PPARGC1A: variants seen among roughly 807,000 people sequenced by gnomAD.
PPARGC1A encodes the protein PPARG coactivator 1 alpha, also known as peroxisome proliferator-activated receptor gamma coactivator 1-alpha.
Under a neutral mutation model 88.7 loss-of-function variants are expected in PPARGC1A, and 25 were observed. The ratio of observed to expected loss-of-function variants is 0.28; its 90% CI spans 0.21 to 0.39. PPARGC1A has a LOEUF of 0.39. PPARGC1A is among the 10% of genes least tolerant of loss of function. The pLI is 1.00. For missense variants in PPARGC1A, 880 were observed against 968.7 expected, an observed-to-expected ratio of 0.91 and a Z score of 1.22; for synonymous variants, 363 against 355.6, an observed-to-expected ratio of 1.02 and a Z score of -0.24.
the PPARGC1A span, among the ~76,000 whole-genome samples, chr4:24,448,766 A>G: frequency 2.0e-5 from 3 of 152,138 alleles, no homozygotes; most frequent in African/African-American, 7.2e-5. Flanking sequence ...CCCTCCCTGC[A>G]TGTCTCACAC....
At chr4:23,927,895 G>A in the PPARGC1A span, among the ~76,000 whole-genome samples, 27 of 152,128 alleles carry the variant, frequency 1.8e-4, no homozygotes, top group African/African-American at 4.8e-5. Context: ...GTATGGAAAT[G>A]GACTTTAACC....
chr4:24,154,835 T>C, the PPARGC1A span, among the ~76,000 whole-genome samples: 1 of 152,076 alleles, frequency 6.6e-6, no homozygotes, highest in Non-Finnish European at 1.5e-5. Context: ...GAAAAATTAA[T>C]TGTCTAAAAA....
chr4:24,262,875 C>T, the PPARGC1A span, among the ~76,000 whole-genome samples: 1 of 152,114 alleles, frequency 6.6e-6, no homozygotes, highest in African/African-American at 2.4e-5. Flanking sequence ...GTCCTCAGGG[C>T]TGTACAACTT....
chr4:24,214,283 C>G, the PPARGC1A span, among the ~76,000 whole-genome samples: 2 of 152,162 alleles, frequency 1.3e-5, no homozygotes, highest in East Asian at 1.9e-4. Flanking sequence ...GCAAATTAAT[C>G]AACTACAGAC....
chr4:24,291,881 G>A, the PPARGC1A span, among the ~76,000 whole-genome samples: 3 of 152,224 alleles, frequency 2.0e-5, no homozygotes, highest in Non-Finnish European at 4.4e-5. Flanking sequence ...TGTGAGAAAT[G>A]AATACATAAG....
the PPARGC1A span, among the ~76,000 whole-genome samples, chr4:24,347,269 T>C: frequency 4.0e-5 from 6 of 151,506 alleles, no homozygotes; most frequent in East Asian, 1.2e-3. Context: ...TCTGTATATA[T>C]CTGTGAAGGC....
At chr4:24,358,578 A>G in the PPARGC1A span, among the ~76,000 whole-genome samples, 1 of 152,248 alleles carries the variant, frequency 6.6e-6, no homozygotes, top group African/African-American at 2.4e-5. Flanking sequence ...TTGCCTTCCA[A>G]AATCCAAAAC....
At chr4:23,978,125 A>C in the PPARGC1A span, among the ~76,000 whole-genome samples, 27 of 152,284 alleles carry the variant, frequency 1.8e-4, no homozygotes, top group East Asian at 5.0e-3. Flanking sequence ...GCTAAAGAAA[A>C]AGCTCTAGCA....
chr4:23,888,580 T>C (rs1258916954), intron 1 of PPARGC1A, among the ~76,000 whole-genome samples: 1 of 152,184 alleles, frequency 6.6e-6, no homozygotes, highest in Non-Finnish European at 1.5e-5. Flanking sequence ...TCCATATCTA[T>C]TCCGCCTTAC....
chr4:23,822,920 A>C (rs1723254322), intron 7 of PPARGC1A, among the ~76,000 whole-genome samples: 1 of 152,036 alleles, frequency 6.6e-6, no homozygotes, highest in African/African-American at 2.4e-5. Flanking sequence ...AACAAACTAA[A>C]AACTGCTTTC....
At chr4:23,906,238 A>G (rs1400190829), upstream of PPARGC1A, among the ~76,000 whole-genome samples, 1 of 152,210 alleles carries the variant, frequency 6.6e-6, no homozygotes, top group Non-Finnish European at 1.5e-5. Context: ...AAATGAAATG[A>G]AGGCTCCTTT....
chr4:23,857,391 C>CTGT (rs1730390201), intron 2 of PPARGC1A, among the ~76,000 whole-genome samples: 3 of 143,954 alleles, frequency 2.1e-5, no homozygotes, highest in East Asian at 2.1e-4. Flanking sequence ...CACACACGCA[C>CTGT]GTACTAAATA....
the PPARGC1A span, among the ~76,000 whole-genome samples, chr4:23,923,116 G>GTTTT: frequency 3.8e-5 from 5 of 131,690 alleles, no homozygotes; most frequent in East Asian, 4.3e-4. Flanking sequence ...TTTGTTGCTT[G>GTTTT]TTTTTTTTTT....
the PPARGC1A span, among the ~76,000 whole-genome samples, chr4:24,266,105 C>T: frequency 3.9e-5 from 6 of 152,102 alleles, no homozygotes; most frequent in Admixed American, 1.3e-4. Flanking sequence ...CAGAACGTAA[C>T]GAGAGATGCC....
the PPARGC1A span, among the ~76,000 whole-genome samples, chr4:23,949,120 G>A: frequency 6.6e-6 from 1 of 152,090 alleles, no homozygotes; most frequent in Non-Finnish European, 1.5e-5. Flanking sequence ...TGAGTTAGCT[G>A]CCCATTATTA....
the PPARGC1A span, among the ~76,000 whole-genome samples, chr4:24,358,195 A>G: frequency 6.6e-6 from 1 of 152,346 alleles, no homozygotes; most frequent in East Asian, 1.9e-4. Flanking sequence ...TGGCAGATTC[A>G]GAATTGAAAG....
At chr4:24,162,033 AT>A in the PPARGC1A span, among the ~76,000 whole-genome samples, 1 of 151,914 alleles carries the variant, frequency 6.6e-6, no homozygotes, top group Non-Finnish European at 1.5e-5. Context: ...CTATTCAGCC[AT>A]AAAAAAGGAA....
the PPARGC1A span, among the ~76,000 whole-genome samples, chr4:23,969,537 C>T: frequency 5.3e-5 from 8 of 152,280 alleles, no homozygotes; most frequent in South Asian, 4.2e-4. Flanking sequence ...CAAACATGAA[C>T]GTTCTCAGTG....
the PPARGC1A span, among the ~76,000 whole-genome samples, chr4:24,094,855 G>C: frequency 2.0e-5 from 3 of 151,970 alleles, no homozygotes; most frequent in Non-Finnish European, 2.9e-5. Context: ...TTAAATGAAG[G>C]AGAAACTATA....
Sources: allele counts gnomAD v4.1 joint callset (sites outside exome capture counted in the v4.1 genomes callset), GRCh38; gene constraint gnomAD v4.1.1; transcripts MANE v1.5; gene names NCBI Gene and HGNC (gene_info 2026-07-23, HGNC 2026-07-21).